The following GPR108 variants were observed in gnomAD, a reference collection of about 807,000 sequenced individuals.
GPR108 encodes G protein-coupled receptor 108.
In GPR108, 60 loss-of-function variants were observed where a neutral mutation model predicts 74.3. The observed-to-expected ratio is 0.81, with a 90% CI of 0.66 to 1.00. The LOEUF (loss-of-function observed/expected upper bound fraction) is 1.00, where lower values mean the gene tolerates loss of function less well. Ranked by LOEUF, GPR108 falls within the 50% of genes least tolerant of loss-of-function variation. The pLI is 0.00. For synonymous variants in GPR108, 311 were observed against 292.4 expected (o/e 1.06, Z -0.65); for missense variants, 667 against 703.3 (o/e 0.95, Z 0.58).
chr19:6,733,375 G>A, intron 8 of GPR108, 74 bp from the exon 9 acceptor site: 1 of 1,481,404 alleles, frequency 6.8e-7, no homozygotes, highest in African/African-American at 1.4e-5. Flanking sequence ...GCGAGTGGGG[G>A]TCTCCAGCTC....
At position 6,732,547 on chromosome 19, in the gene GPR108, G is replaced by T. The variant is rs1599541718; in HGVS notation, c.936C>A (p.Ile312=). The T allele has an allele frequency of 1.2e-6, 2 of 1,613,030 alleles. No homozygotes were observed. The highest frequency in any genetic ancestry group is 1.7e-6 in the Non-Finnish European group (2 of 1,179,490). ...TKSISLLFHS[I]NYYFINSQGH... ...CCTGGCTGTTGATGAAGTAGTAGTT[G>T]ATCTGGGGGTGGATGGACAGACGGA... The change falls in exon 11 of 18, where the codon ATC becomes ATA. Residue 312 remains isoleucine, a splice_region_variant and synonymous_variant. Coordinates refer to ENST00000264080, the MANE Select transcript of GPR108 (RefSeq NM_001080452.2).
intron 10 of GPR108, 75 bp from the exon 11 acceptor site, chr19:6,732,624 G>T: frequency 8.8e-7 from 1 of 1,140,988 alleles, no homozygotes; most frequent in Non-Finnish European, 1.3e-6. Flanking sequence ...GGGGGATTAG[G>T]AACACGGACC....
intron 2 of GPR108, 89 bp from the exon 3 acceptor site, chr19:6,736,047 A>G: frequency 8.7e-7 from 1 of 1,154,358 alleles, no homozygotes; most frequent in Non-Finnish European, 1.2e-6. Flanking sequence ...ACCTAACCTC[A>G]CATTTACTGA....
chr19:6,736,781 C>G (rs1315125428), intron 1 of GPR108, 70 bp from the exon 2 acceptor site: 2 of 1,605,500 alleles, frequency 1.2e-6, no homozygotes, highest in Non-Finnish European at 1.7e-6. Flanking sequence ...GGGTCTGGCA[C>G]GAGGACCTCC....
chr19:6,731,656 T>G, intron 14 of GPR108, 134 bp from the exon 15 acceptor site: 1 of 861,164 alleles, frequency 1.2e-6, no homozygotes, highest in Non-Finnish European at 1.8e-6. Flanking sequence ...GAGGGGACAT[T>G]AGGTGGGGCA....
At chr19:6,734,635 G>C (rs1968556283) in intron 4 of GPR108, among the ~76,000 whole-genome samples, 1 of 152,078 alleles carries the variant, frequency 6.6e-6, no homozygotes, top group African/African-American at 2.4e-5. Flanking sequence ...TCAAATTCCT[G>C]GGATCAGGCA....
At chr19:6,730,538 T>C in intron 17 of GPR108, 154 bp from the exon 18 acceptor site, 1 of 600,642 alleles carries the variant, frequency 1.7e-6, no homozygotes, top group Non-Finnish European at 2.9e-6. Flanking sequence ...TGCACCCACC[T>C]CGCTCCCACA....
chr19:6,732,289 C>A lies in GPR108; in HGVS notation c.1099G>T (p.Val367Phe). The A allele has an allele frequency of 6.2e-7, 1 of 1,612,900 alleles. No homozygotes were observed. The highest frequency in any genetic ancestry group is 1.3e-5 in the African/African-American group (1 of 75,060). Residue 367 changes from valine to phenylalanine, a missense_variant, in exon 12 of 18, where the codon GTC becomes TTC. Val to Phe is a conservative substitution (Grantham distance 50). Coordinates refer to ENST00000264080, the MANE Select transcript of GPR108 (RefSeq NM_001080452.2). Reference protein sequence around the residue: ...KYVLSDKEKKVFGIVIPMQVL... With the variant: ...KYVLSDKEKKFFGIVIPMQVL... ...TGCATGGGGATCACGATCCCAAAGA[C>A]CTTCTTCTCCTTATCCGACAGGACG...
chr19:6,736,519 C>T (rs1968640586), intron 2 of GPR108, 73 bp downstream of exon 2: 1 of 1,459,098 alleles, frequency 6.9e-7, no homozygotes, highest in Non-Finnish European at 9.4e-7. Context: ...ACATGGGTAG[C>T]GGCAGAGCTG....
At chr19:6,734,090 T>C (rs1439724750) in intron 5 of GPR108, 36 bp from the exon 6 acceptor site, 2 of 1,613,914 alleles carry the variant, frequency 1.2e-6, no homozygotes, top group Non-Finnish European at 1.7e-6. Context: ...AAGAGATGGA[T>C]GGATGGATAG....
rs757039580 is a variant in GPR108 at position 6,732,543 on chromosome 19, A to G, written c.940T>C (p.Tyr314His). The change falls in exon 11 of 18, where the codon TAC becomes CAC. Residue 314 changes from tyrosine to histidine, a missense_variant. Tyr to His is a moderately conservative substitution (Grantham distance 83, BLOSUM62 2). Coordinates refer to ENST00000264080, the MANE Select transcript of GPR108 (RefSeq NM_001080452.2). ...SISLLFHSIN[Y>H]YFINSQGHPI... ...TGGCCCTGGCTGTTGATGAAGTAGT[A>G]GTTGATCTGGGGGTGGATGGACAGA... 3 of 1,611,074 alleles carry G rather than the reference A, an allele frequency of 1.9e-6. No homozygotes were observed. The highest frequency in any genetic ancestry group is 1.3e-5 in the African/African-American group (1 of 74,482).
At chr19:6,735,768 C>T in intron 3 of GPR108, 64 bp from the exon 4 acceptor site, 1 of 1,563,984 alleles carries the variant, frequency 6.4e-7, no homozygotes, top group Non-Finnish European at 8.8e-7. Flanking sequence ...TCCACCCTGT[C>T]TCCCTCCCTG....
At chr19:6,730,434 C>T (rs763030018) in intron 17 of GPR108, 50 bp from the exon 18 acceptor site, 18 of 1,510,184 alleles carry the variant, frequency 1.2e-5, no homozygotes, top group Non-Finnish European at 1.5e-5. Context: ...CAGCAGGCCC[C>T]ACCCACTCTA....
chr19:6,732,678 G>A (rs1968467222), intron 10 of GPR108, 129 bp from the exon 11 acceptor site: 2 of 763,972 alleles, frequency 2.6e-6, no homozygotes, highest in Non-Finnish European at 2.2e-6. Flanking sequence ...AATGAGGACG[G>A]TGGGTGGGAC....
At chr19:6,737,011 C>G (rs1208302506) in intron 1 of GPR108, 3 of 434,144 alleles carry the variant, frequency 6.9e-6, no homozygotes, top group African/African-American at 5.9e-5. Flanking sequence ...TGACCTTCAC[C>G]TTCCCGAAGA....
chr19:6,733,819 G>A (rs985264545), intron 7 of GPR108, 26 bp downstream of exon 7: 3 of 1,613,184 alleles, frequency 1.9e-6, no homozygotes, highest in South Asian at 1.1e-5. Context: ...GGTGACGGAA[G>A]GGCCGCAGGC....
chr19:6,731,955 A>C, intron 13 of GPR108, 21 bp from the exon 14 acceptor site: 1 of 1,613,200 alleles, frequency 6.2e-7, no homozygotes, highest in Non-Finnish European at 8.5e-7. Flanking sequence ...TGGAGGACAC[A>C]GGGTACGGTC....
rs1302921867 is a variant in GPR108, at chr19:6,734,031, G to A, written c.523C>T (p.Pro175Ser). ...TGAATCACTGCGGGTGTTGACTTGG[G>A]CTTGCTGGCTGCAGAGGTCCCTCCT... Reference protein sequence around the residue: ...DGGGTSAASKPKSTPAVIQGP... With the variant: ...DGGGTSAASKSKSTPAVIQGP... The change falls in exon 6 of 18, where the codon CCC (proline) becomes TCC (serine). Residue 175 changes from proline to serine, a missense_variant. Pro to Ser is a moderately conservative substitution (Grantham distance 74). Transcript: ENST00000264080. 2 of 1,614,064 alleles carry A rather than the reference G, an allele frequency of 1.2e-6. No homozygotes were observed. The highest frequency in any genetic ancestry group is 4.5e-5 in the East Asian group (2 of 44,894).
intron 1 of GPR108, 44 bp from the exon 2 acceptor site, chr19:6,736,755 G>A (rs1241439911): frequency 2.4e-5 from 39 of 1,612,332 alleles, no homozygotes; most frequent in Non-Finnish European, 3.1e-5. Flanking sequence ...ACCTCTTTCC[G>A]CCTGCCCAGC....
Sources: allele counts gnomAD v4.1 joint callset (sites outside exome capture counted in the v4.1 genomes callset), GRCh38; gene constraint gnomAD v4.1.1; transcripts MANE v1.5; gene names NCBI Gene and HGNC (gene_info 2026-07-23, HGNC 2026-07-21).